RALGPS2: variants seen among roughly 807,000 people sequenced by gnomAD.
RALGPS2 encodes Ral GEF with PH domain and SH3 binding motif 2.
A neutral mutation model predicts 86.8 loss-of-function variants in RALGPS2; 43 were observed. That is an observed-to-expected ratio of 0.50 (90% CI 0.39 to 0.64). The LOEUF (loss-of-function observed/expected upper bound fraction) is 0.64, where lower values mean the gene tolerates loss of function less well. Among genes scored for constraint, RALGPS2 ranks in the 30% least tolerant of loss-of-function variants. The pLI is 0.00. For synonymous variants in RALGPS2, 243 were observed against 231.3 expected (o/e 1.05, Z -0.46); for missense variants, 536 against 694.6 (o/e 0.77, Z 2.57).
At chr1:178,738,031 C>T (rs187359865) in intron 1 of RALGPS2, among the ~76,000 whole-genome samples, 122 of 152,086 alleles carry the variant, frequency 8.0e-4, no homozygotes, top group Non-Finnish European at 1.3e-3. Flanking sequence ...CCTCTTGCCT[C>T]AGACTCCCAA....
chr1:178,729,420 G>T (rs369648632), intron 1 of RALGPS2, among the ~76,000 whole-genome samples: 1 of 152,182 alleles, frequency 6.6e-6, no homozygotes, highest in South Asian at 2.1e-4. Flanking sequence ...TATCTGACAC[G>T]TAGTGATGCT....
chr1:178,753,542 A>G (rs1272548668), intron 1 of RALGPS2: 1 of 152,212 alleles, frequency 6.6e-6, no homozygotes, highest in African/African-American at 2.4e-5. Context: ...TCTCAAGTCC[A>G]GATTGATGCT....
At chr1:178,865,893 G>GA (rs1302471631) in intron 8 of RALGPS2, 1 of 723,094 alleles carries the variant, frequency 1.4e-6, no homozygotes, top group Non-Finnish European at 2.2e-6. Context: ...CTATCTGAGG[G>GA]AAAAACTGAA....
At chr1:178,906,706 T>C (rs2102412560) in intron 18 of RALGPS2, 70 bp from the exon 19 acceptor site, 2 of 1,259,590 alleles carry the variant, frequency 1.6e-6, no homozygotes, top group East Asian at 2.5e-5. Flanking sequence ...TTGCTCATTA[T>C]TATCTGGCAG....
intron 1 of RALGPS2, among the ~76,000 whole-genome samples, chr1:178,763,439 T>C (rs1036363927): frequency 2.0e-5 from 3 of 152,252 alleles, no homozygotes; most frequent in Admixed American, 2.0e-4. Context: ...TTGGGCAGCA[T>C]GGCCATTGGC....
chr1:178,815,336 C>T (rs891650988), intron 6 of RALGPS2, among the ~76,000 whole-genome samples: 8 of 151,888 alleles, frequency 5.3e-5, no homozygotes, highest in African/African-American at 1.5e-4. Flanking sequence ...CCTCCCATCT[C>T]GGCCTCCCAA....
intron 4 of RALGPS2, among the ~76,000 whole-genome samples, chr1:178,793,926 A>C (rs76641508): frequency 2.0e-5 from 3 of 152,136 alleles, no homozygotes; most frequent in Non-Finnish European, 4.4e-5. Context: ...GAATTTTCCA[A>C]TGCTGAGTAG....
chr1:178,827,802 TA>T (rs1224265881), intron 7 of RALGPS2, among the ~76,000 whole-genome samples: 1 of 152,044 alleles, frequency 6.6e-6, no homozygotes, highest in Non-Finnish European at 1.5e-5. Flanking sequence ...GGCCCAGAAA[TA>T]AATACACACA....
chr1:178,871,806 T>TA (rs1446707263), intron 8 of RALGPS2, among the ~76,000 whole-genome samples: 8 of 152,096 alleles, frequency 5.3e-5, no homozygotes, highest in Admixed American at 3.3e-4. Flanking sequence ...CTGAACTGAG[T>TA]AAAAAACAAG....
chr1:178,775,216 A>G (rs866423395), intron 1 of RALGPS2, among the ~76,000 whole-genome samples: 1 of 152,130 alleles, frequency 6.6e-6, no homozygotes, highest in African/African-American at 2.4e-5. Context: ...TATTATCCCT[A>G]TTTTATAGAT....
chr1:178,865,040 G>T, intron 8 of RALGPS2: 1 of 1,496,250 alleles, frequency 6.7e-7, no homozygotes, highest in Non-Finnish European at 8.9e-7. Flanking sequence ...TAAATCTCTG[G>T]GATAACCTGG....
chr1:178,858,812 A>AC (rs780492045), intron 8 of RALGPS2, among the ~76,000 whole-genome samples: 10 of 152,336 alleles, frequency 6.6e-5, no homozygotes, highest in Non-Finnish European at 1.2e-4. Context: ...TAGCAGCTTT[A>AC]CTGGGAGCCA....
chr1:178,818,439 G>A (rs1655338790), intron 6 of RALGPS2, among the ~76,000 whole-genome samples: 1 of 152,198 alleles, frequency 6.6e-6, no homozygotes, highest in Admixed American at 6.5e-5. Context: ...TTTAGCTTTA[G>A]TTAGTTTCAT....
intron 8 of RALGPS2, 57 bp from the exon 9 acceptor site, chr1:178,877,441 G>T (rs1014230017): frequency 1.3e-6 from 2 of 1,599,364 alleles, no homozygotes; most frequent in Non-Finnish European, 1.7e-6. Context: ...CCTTTTCTTT[G>T]TCATAGTCTC....
chr1:178,901,747 C>T (rs1660185518), intron 17 of RALGPS2, among the ~76,000 whole-genome samples: 1 of 150,036 alleles, frequency 6.7e-6, no homozygotes, highest in South Asian at 2.1e-4. Flanking sequence ...AGATTTAAGA[C>T]AGCATAGCTA....
intron 8 of RALGPS2, among the ~76,000 whole-genome samples, chr1:178,862,662 CCTTATT>C (rs1300734801): frequency 1.3e-5 from 2 of 151,098 alleles, no homozygotes; most frequent in African/African-American, 4.9e-5. Context: ...TTGGCTTGAG[CCTTATT>C]CTTTGAGTAG....
In RALGPS2 at chr1:178,854,018, A is replaced by G. The variant is rs189931708; in HGVS notation, c.607+20468A>G. Among the ~76,000 whole-genome samples the G allele has an allele frequency of 4.6e-5, 7 of 152,002 alleles. 1 individual carries two copies. Among genetic ancestry groups the G allele is most frequent in the Admixed American group, 3.3e-4 (5 of 15,252 alleles). On this transcript the variant is annotated intron_variant, in intron 8 of 19. Transcript: ENST00000367635. ...TCTTTTCCATATATGTATTTTTTAT[A>G]TTGTTATAATCCTAATACATGTAGA... is the stretch of plus-strand genomic sequence containing the variant.
At chr1:178,747,855 A>T (rs1036853403) in intron 1 of RALGPS2, 1 of 584,278 alleles carries the variant, frequency 1.7e-6, no homozygotes. Context: ...TCATAATGTT[A>T]ATAGTTACTA....
chr1:178,749,901 C>G (rs1310296911), intron 1 of RALGPS2, among the ~76,000 whole-genome samples: 1 of 152,080 alleles, frequency 6.6e-6, no homozygotes, highest in Non-Finnish European at 1.5e-5. Context: ...TCAAGACCAG[C>G]CTGGGCAGTG....
Sources: gnomAD v4.1 joint callset for allele counts (sites outside exome capture counted in the v4.1 genomes callset) on GRCh38, gnomAD v4.1.1 for gene constraint, MANE v1.5 for transcripts, NCBI Gene and HGNC (gene_info 2026-07-23, HGNC 2026-07-21) for gene names.